HELZ: variants seen among roughly 807,000 people sequenced by gnomAD.
HELZ encodes the protein ATP-dependent RNA helicase with zinc finger domain.
Under a neutral mutation model 218.2 loss-of-function variants are expected in HELZ, and 23 were observed. The ratio of observed to expected loss-of-function variants is 0.11; its 90% CI spans 0.08 to 0.15. The LOEUF is 0.15. HELZ is among the 10% of genes least tolerant of loss of function. HELZ has a pLI of 1.00. For synonymous variants in HELZ, 814 were observed against 829.4 expected (o/e 0.98, Z 0.32); for missense variants, 1,813 against 2,353.7 (o/e 0.77, Z 4.75).
chr17:67,173,249 G>A (rs968369775), intron 13 of HELZ, among the ~76,000 whole-genome samples: 1 of 152,110 alleles, frequency 6.6e-6, no homozygotes, highest in Admixed American at 6.5e-5. Context: ...AATTATGTTA[G>A]TAATCTTAAA....
rs781215487 is a variant in HELZ at position 67,107,159 on chromosome 17, A to C, written c.5241+10T>G. The C allele has an allele frequency of 2.0e-5, 32 of 1,580,446 alleles. No individual in the cohort carries two copies. The South Asian group carries it at 3.7e-4, about 18-fold the overall frequency. Reference sequence around the variant, plus strand: ...AGCTAATAACAAAAGGAAAATAAGAAGACATTTACCTCTTCTAAGCTAGGG... The same window carrying C: ...AGCTAATAACAAAAGGAAAATAAGACGACATTTACCTCTTCTAAGCTAGGG... On this transcript the variant is annotated intron_variant, in intron 31 of 32. Coordinates refer to ENST00000358691, the MANE Select transcript of HELZ (RefSeq NM_014877.4).
chr17:67,203,647 C>T (rs1251753095), intron 5 of HELZ, among the ~76,000 whole-genome samples: 1 of 152,110 alleles, frequency 6.6e-6, no homozygotes, highest in Non-Finnish European at 1.5e-5. Flanking sequence ...ATAAACATAC[C>T]GAACTTACAA....
intron 28 of HELZ, among the ~76,000 whole-genome samples, chr17:67,110,252 G>A (rs1443111001): frequency 1.3e-5 from 2 of 152,078 alleles, no homozygotes; most frequent in African/African-American, 4.8e-5. Flanking sequence ...ATTTTTAGTA[G>A]AGATGGAGTT....
At position 67,160,804 on chromosome 17, in the gene HELZ, A is replaced by G. The variant is rs2038973822; in HGVS notation, c.2075+93T>C. ...TTTTTTCATGTTTAAGAGCTGCATG[A>G]AAACTGTCTTGCTAGCCCTCATTGT... On this transcript the variant is annotated intron_variant, in intron 16 of 32. Coordinates refer to ENST00000358691, the MANE Select transcript of HELZ (RefSeq NM_014877.4). 1.2e-5 allele frequency: 11 copies of G among 916,406 alleles called. No homozygotes were observed. In the East Asian group the frequency reaches 2.4e-4, roughly 20 times the overall value. The allele number at this position is 916,406 out of a possible 1,614,324, so 56.8% of individuals were successfully genotyped here. A position where few individuals can be genotyped will look rare whatever the true frequency, so the allele number is the denominator to read the frequency against.
At chr17:67,195,843 TTTTTTTTTC>T (rs2040010308) in intron 7 of HELZ, among the ~76,000 whole-genome samples, 1 of 143,688 alleles carries the variant, frequency 7.0e-6, no homozygotes, top group Non-Finnish European at 1.5e-5. Flanking sequence ...TTTTCCTTTT[TTTTTTTTTC>T]TTTTTTTTTT....
chr17:67,209,163 A>AAAT (rs2040389455), intron 5 of HELZ, among the ~76,000 whole-genome samples: 1 of 151,498 alleles, frequency 6.6e-6, no homozygotes, highest in South Asian at 2.1e-4. Flanking sequence ...TTAAATACTG[A>AAAT]AATTCTTGTC....
At chr17:67,222,188 T>C (rs58746344) in intron 3 of HELZ, among the ~76,000 whole-genome samples, 5,527 of 152,266 alleles carry the variant, frequency 0.036, 343 homozygotes, top group African/African-American at 0.12. Flanking sequence ...CAATACGGTA[T>C]AGACAATGAA....
At chr17:67,166,699 G>A in intron 14 of HELZ, 91 bp from the exon 15 acceptor site, 1 of 1,063,726 alleles carries the variant, frequency 9.4e-7, no homozygotes, top group Non-Finnish European at 1.4e-6. Context: ...AATCTGTTTG[G>A]GACAGTAAGT....
At chr17:67,226,910 T>C (rs1300439712) in intron 3 of HELZ, among the ~76,000 whole-genome samples, 3 of 152,172 alleles carry the variant, frequency 2.0e-5, no homozygotes, top group Non-Finnish European at 4.4e-5. Context: ...TATGATTCCA[T>C]TTATACAATC....
chr17:67,088,592 C>A (rs1055470600), intron 31 of HELZ, among the ~76,000 whole-genome samples: 8 of 152,210 alleles, frequency 5.3e-5, no homozygotes, highest in African/African-American at 1.9e-4. Context: ...GAGAGCAATT[C>A]TCTCGCTATT....
chr17:67,223,185 G>C (rs933303440), intron 3 of HELZ, among the ~76,000 whole-genome samples: 2 of 151,396 alleles, frequency 1.3e-5, no homozygotes, highest in East Asian at 3.9e-4. Flanking sequence ...GCATGAACCC[G>C]GGAGGCAGAG....
chr17:67,210,947 AT>A (rs1555624477), intron 5 of HELZ, among the ~76,000 whole-genome samples: 1 of 152,224 alleles, frequency 6.6e-6, no homozygotes, highest in Non-Finnish European at 1.5e-5. Context: ...TATAATGACT[AT>A]TCGAAAGGCA....
chr17:67,153,398 A>T (rs2038748176), intron 17 of HELZ, among the ~76,000 whole-genome samples: 1 of 152,292 alleles, frequency 6.6e-6, no homozygotes, highest in African/African-American at 2.4e-5. Context: ...AGATGTGGGC[A>T]TTCTCTTCTG....
chr17:67,234,474 C>T (rs1030742222), intron 3 of HELZ, among the ~76,000 whole-genome samples: 2 of 151,982 alleles, frequency 1.3e-5, no homozygotes, highest in African/African-American at 4.8e-5. Context: ...ACTTAGACTA[C>T]TATGAACCCA....
intron 3 of HELZ, among the ~76,000 whole-genome samples, chr17:67,235,392 A>G (rs1450543806): frequency 6.6e-6 from 1 of 151,862 alleles, no homozygotes; most frequent in Non-Finnish European, 1.5e-5. Flanking sequence ...GTAATCCCAG[A>G]TACTCAGGAG....
chr17:67,195,040 T>C (rs2039988308), intron 8 of HELZ, among the ~76,000 whole-genome samples: 1 of 152,164 alleles, frequency 6.6e-6, no homozygotes, highest in Non-Finnish European at 1.5e-5. Flanking sequence ...AGAGTTTCAT[T>C]AGGGCAGGAA....
chr17:67,237,912 C>G (rs1359299238), intron 3 of HELZ, among the ~76,000 whole-genome samples: 1 of 149,486 alleles, frequency 6.7e-6, no homozygotes, highest in Non-Finnish European at 1.5e-5. Flanking sequence ...CACTTGAACC[C>G]AAGAGGCAGA....
intron 3 of HELZ, among the ~76,000 whole-genome samples, chr17:67,238,681 C>T (rs2041248958): frequency 6.6e-6 from 1 of 151,974 alleles, no homozygotes; most frequent in Non-Finnish European, 1.5e-5. Flanking sequence ...AGCGAAACTC[C>T]GTCTCAAAAA....
chr17:67,244,133 G>A (rs2143543246), intron 1 of HELZ: 4 of 366,498 alleles, frequency 1.1e-5, no homozygotes, highest in Non-Finnish European at 1.5e-5. Context: ...TGAAGGAGAG[G>A]AAATTTCATT....
Sources: gnomAD v4.1 joint callset for allele counts (sites outside exome capture counted in the v4.1 genomes callset) on GRCh38, gnomAD v4.1.1 for gene constraint, MANE v1.5 for transcripts, NCBI Gene and HGNC (gene_info 2026-07-23, HGNC 2026-07-21) for gene names.